The following SPATA6 variants were observed in gnomAD, a reference collection of about 807,000 sequenced individuals.
The protein encoded by SPATA6 is spermatogenesis associated 6.
Under a neutral mutation model 65.3 loss-of-function variants are expected in SPATA6, and 56 were observed. The observed-to-expected ratio is 0.86, with a 90% confidence interval of 0.69 to 1.07. The LOEUF is 1.07. Among genes scored for constraint, SPATA6 ranks in the 50% least tolerant of loss-of-function variants. SPATA6 has a pLI of 0.00. For synonymous variants in SPATA6, 199 were observed against 213.2 expected (o/e 0.93, Z 0.58); for missense variants, 590 against 594.8 (o/e 0.99, Z 0.08).
At chr1:48,309,791 A>C (rs2148662865) in intron 11 of SPATA6, among the ~76,000 whole-genome samples, 1 of 152,300 alleles carries the variant, frequency 6.6e-6, no homozygotes, top group Admixed American at 6.5e-5. Flanking sequence ...CTATTCTGTT[A>C]GCTGAGTCAT....
the SPATA6 span, among the ~76,000 whole-genome samples, chr1:48,277,641 T>C: frequency 6.6e-6 from 1 of 152,200 alleles, no homozygotes; most frequent in South Asian, 2.1e-4. Context: ...GCACCCGCCA[T>C]TGCGCAGGCT....
At chr1:48,311,150 T>A (rs1645197239) in intron 11 of SPATA6, among the ~76,000 whole-genome samples, 1 of 152,126 alleles carries the variant, frequency 6.6e-6, no homozygotes, top group Admixed American at 6.5e-5. Flanking sequence ...CCAAAGCTTT[T>A]ACTTCAAAAA....
intron 11 of SPATA6, among the ~76,000 whole-genome samples, chr1:48,336,282 T>C (rs1161766826): frequency 1.3e-5 from 2 of 152,104 alleles, no homozygotes; most frequent in African/African-American, 4.8e-5. Context: ...TGCCTGGGTA[T>C]ATATTCAAAT....
intron 11 of SPATA6, among the ~76,000 whole-genome samples, chr1:48,311,187 CA>C (rs1557539440): frequency 6.6e-6 from 1 of 151,930 alleles, no homozygotes; most frequent in African/African-American, 2.4e-5. Flanking sequence ...AAACCAAATC[CA>C]AAACAAGTAA....
chr1:48,399,754 C>T, intron 6 of SPATA6, 110 bp from the exon 7 acceptor site: 1 of 938,508 alleles, frequency 1.1e-6, no homozygotes, highest in Non-Finnish European at 1.5e-6. Flanking sequence ...CTATCAAAGC[C>T]AACTAGATCA....
At chr1:48,395,834 A>G (rs1365868963) in intron 7 of SPATA6, among the ~76,000 whole-genome samples, 1 of 151,906 alleles carries the variant, frequency 6.6e-6, no homozygotes, top group Non-Finnish European at 1.5e-5. Context: ...CCTAACAAAA[A>G]GTAAAAAGAA....
intron 3 of SPATA6, among the ~76,000 whole-genome samples, chr1:48,435,465 T>C (rs1036091975): frequency 6.6e-6 from 1 of 151,342 alleles, no homozygotes; most frequent in African/African-American, 2.4e-5. Flanking sequence ...AGCTAAAGGA[T>C]TGTGAATGCA....
chr1:48,283,365 A>T, the SPATA6 span, among the ~76,000 whole-genome samples: 14 of 151,840 alleles, frequency 9.2e-5, no homozygotes, highest in Non-Finnish European at 1.5e-4. Context: ...AAAAATTTTT[A>T]AAAAAGATAT....
At chr1:48,322,781 A>C (rs1347125786) in intron 11 of SPATA6, among the ~76,000 whole-genome samples, 1 of 152,264 alleles carries the variant, frequency 6.6e-6, no homozygotes, top group Non-Finnish European at 1.5e-5. Flanking sequence ...GACACTTCTC[A>C]AAAGAAGACA....
chr1:48,417,117 T>A (rs1196494460), intron 3 of SPATA6, among the ~76,000 whole-genome samples: 1 of 152,102 alleles, frequency 6.6e-6, no homozygotes, highest in Non-Finnish European at 1.5e-5. Context: ...GCAATAAAAA[T>A]AAATTAAAAG....
At chr1:48,326,402 A>G (rs767787928) in intron 11 of SPATA6, among the ~76,000 whole-genome samples, 3 of 152,142 alleles carry the variant, frequency 2.0e-5, no homozygotes, top group Non-Finnish European at 2.9e-5. Flanking sequence ...CATTAGGATC[A>G]GTTATGTTAA....
chr1:48,429,041 A>G (rs1332813308), intron 3 of SPATA6, among the ~76,000 whole-genome samples: 2 of 151,834 alleles, frequency 1.3e-5, no homozygotes, highest in Non-Finnish European at 2.9e-5. Flanking sequence ...TCTTAGTACA[A>G]TAACAGCTAC....
Position 48,434,235 on chromosome 1 carries a change from T to G in SPATA6, c.238+17317A>C, listed in dbSNP as rs1456058446. Reference sequence around the variant, plus strand: ...AACGCATAGTAGGTGCCAGGCACTATGCACTAGAGATACAGCAGTGAAAGA... The same window carrying G: ...AACGCATAGTAGGTGCCAGGCACTAGGCACTAGAGATACAGCAGTGAAAGA... On this transcript the variant is annotated intron_variant, in intron 3 of 12. Transcript: ENST00000371847. Among the ~76,000 whole-genome samples, 4 of 128,700 alleles carry G rather than the reference T, an allele frequency of 3.1e-5. No individual in the cohort carries two copies. The East Asian group carries it at 6.7e-4, about 22-fold the overall frequency. The allele number at this position is 128,700 out of a possible 152,430, so 84.4% of individuals were successfully genotyped here.
chr1:48,320,700 C>T (rs1364138915), intron 11 of SPATA6, among the ~76,000 whole-genome samples: 1 of 152,096 alleles, frequency 6.6e-6, no homozygotes, highest in Non-Finnish European at 1.5e-5. Context: ...TAATAGTAAG[C>T]ACACAGAAAA....
At chr1:48,280,397 GT>G in the SPATA6 span, among the ~76,000 whole-genome samples, 2 of 152,112 alleles carry the variant, frequency 1.3e-5, no homozygotes, top group African/African-American at 4.8e-5. Context: ...TACAGGAGCT[GT>G]TTTTTTGAGA....
chr1:48,449,906 G>A (rs1314103032), intron 3 of SPATA6, among the ~76,000 whole-genome samples: 1 of 152,168 alleles, frequency 6.6e-6, no homozygotes, highest in African/African-American at 2.4e-5. Context: ...TCTTCAGGTG[G>A]CAGAGTGAAC....
intron 11 of SPATA6, among the ~76,000 whole-genome samples, chr1:48,315,600 A>C (rs1330901486): frequency 6.6e-6 from 1 of 152,150 alleles, no homozygotes; most frequent in Non-Finnish European, 1.5e-5. Flanking sequence ...ATGGGCAAAA[A>C]CTGGAAGCAT....
At chr1:48,361,010 A>T (rs1315239544) in intron 9 of SPATA6, among the ~76,000 whole-genome samples, 2 of 152,192 alleles carry the variant, frequency 1.3e-5, no homozygotes, top group Non-Finnish European at 2.9e-5. Flanking sequence ...CTAGTTTTGG[A>T]CATATTAAGC....
chr1:48,264,941 AC>A, the SPATA6 span, among the ~76,000 whole-genome samples: 1 of 152,230 alleles, frequency 6.6e-6, no homozygotes, highest in Non-Finnish European at 1.5e-5. Flanking sequence ...AGAAATCACC[AC>A]ACTGTCTTCT....
Sources: gnomAD v4.1 joint callset for allele counts (sites outside exome capture counted in the v4.1 genomes callset) on GRCh38, gnomAD v4.1.1 for gene constraint, MANE v1.5 for transcripts, NCBI Gene and HGNC (gene_info 2026-07-23, HGNC 2026-07-21) for gene names.